CCDC192: variants seen among roughly 807,000 people sequenced by gnomAD.
CCDC192 encodes the protein coiled-coil domain-containing protein 192.
intron 2 of CCDC192, among the ~76,000 whole-genome samples, chr5:127,710,152 A>G (rs1222903437): frequency 6.6e-6 from 1 of 152,138 alleles, no homozygotes; most frequent in Non-Finnish European, 1.5e-5. Context: ...AATATTTCTA[A>G]AGAAATACAT....
intron 6 of CCDC192, among the ~76,000 whole-genome samples, chr5:127,918,083 T>C (rs1311287968): frequency 6.6e-6 from 1 of 151,952 alleles, no homozygotes; most frequent in Non-Finnish European, 1.5e-5. Flanking sequence ...TGCCATGAGC[T>C]GAGATCGCAC....
At chr5:127,817,989 C>T (rs1749107375) in intron 5 of CCDC192, among the ~76,000 whole-genome samples, 1 of 152,010 alleles carries the variant, frequency 6.6e-6, no homozygotes, top group Non-Finnish European at 1.5e-5. Context: ...AAGTTCATGA[C>T]CTTGCTTTAG....
At chr5:127,852,428 A>T (rs1372762502) in intron 5 of CCDC192, among the ~76,000 whole-genome samples, 2 of 152,178 alleles carry the variant, frequency 1.3e-5, no homozygotes, top group Non-Finnish European at 2.9e-5. Flanking sequence ...ACATGGGGGA[A>T]GTATTGGCTG....
At chr5:127,764,869 A>G (rs1297673060) in intron 3 of CCDC192, among the ~76,000 whole-genome samples, 1 of 152,200 alleles carries the variant, frequency 6.6e-6, no homozygotes, top group African/African-American at 2.4e-5. Context: ...ATTTTAAGCC[A>G]TTTCCTGGAA....
At chr5:127,935,228 T>C (rs1312862767) in intron 6 of CCDC192, 1 of 152,250 alleles carries the variant, frequency 6.6e-6, no homozygotes, top group Admixed American at 6.5e-5. Flanking sequence ...TTATCTTATT[T>C]ATTCTCTATG....
At chr5:127,778,902 A>G (rs376547876) in intron 3 of CCDC192, among the ~76,000 whole-genome samples, 2 of 150,998 alleles carry the variant, frequency 1.3e-5, no homozygotes, top group East Asian at 1.9e-4. Context: ...GTTTGTTGGC[A>G]CTCATTTGTT....
chr5:127,786,015 A>T (rs959357684), intron 3 of CCDC192: 9 of 600,324 alleles, frequency 1.5e-5, no homozygotes. Context: ...GACCCTGATT[A>T]TGAATCTGTG....
intron 3 of CCDC192, among the ~76,000 whole-genome samples, chr5:127,760,724 A>G (rs1754871592): frequency 6.7e-6 from 1 of 148,370 alleles, no homozygotes; most frequent in Non-Finnish European, 1.5e-5. Flanking sequence ...AAAAAAAAAA[A>G]GGAAAGTTTT....
chr5:127,922,658 T>C (rs2127191954), intron 6 of CCDC192, among the ~76,000 whole-genome samples: 1 of 152,198 alleles, frequency 6.6e-6, no homozygotes. Flanking sequence ...CGAGGATCAC[T>C]TGAGCCCAGG....
At chr5:127,915,062 A>G (rs1315090450) in intron 6 of CCDC192, among the ~76,000 whole-genome samples, 1 of 152,226 alleles carries the variant, frequency 6.6e-6, no homozygotes, top group Non-Finnish European at 1.5e-5. Context: ...ATACAGGCAT[A>G]ACTCAGAGAT....
In CCDC192 at chr5:127,797,759, ATATATATATATATATATATT is replaced by A. The variant is rs1334517935; in HGVS notation, c.355-343_355-324del. 9.5e-4 allele frequency among the ~76,000 whole-genome samples: 15 copies of A among 15,840 alleles called. 1 individual carries two copies. The highest frequency in any genetic ancestry group is 2.1e-3 in the Non-Finnish European group (8 of 3,870). The allele number at this position is 15,840 out of a possible 152,430, so 10.4% of individuals were successfully genotyped here. The stretch of plus-strand genomic sequence containing the variant: ...TATATATATATATATATATATATAT[ATATATATATATATATATATT>A]TATTTATTTATTTATTTGTAAATAT... On this transcript the variant is annotated intron_variant, in intron 4 of 6. Coordinates refer to ENST00000514853, the MANE Select transcript of CCDC192 (RefSeq NM_001317938.2).
At chr5:127,717,745 A>G (rs1307060937) in intron 2 of CCDC192, among the ~76,000 whole-genome samples, 1 of 151,980 alleles carries the variant, frequency 6.6e-6, no homozygotes, top group Non-Finnish European at 1.5e-5. Flanking sequence ...TAGGAGGGGG[A>G]AAATTGTCAT....
intron 6 of CCDC192, among the ~76,000 whole-genome samples, chr5:127,918,540 T>C (rs1349927248): frequency 6.6e-6 from 1 of 152,132 alleles, no homozygotes; most frequent in East Asian, 1.9e-4. Flanking sequence ...AATGAATGTG[T>C]CCCAACCTCA....
At position 127,747,240 on chromosome 5, in the gene CCDC192, A is replaced by G. The variant is rs193123204; in HGVS notation, c.115-7028A>G. Among the ~76,000 whole-genome samples the G allele has an allele frequency of 1.3e-3, 200 of 151,934 alleles. 1 individual carries two copies. Among genetic ancestry groups the G allele is most frequent in the African/African-American group, 4.5e-3 (186 of 41,414 alleles). On this transcript the variant is annotated intron_variant, in intron 2 of 6. Transcript: ENST00000514853. Reference sequence around the variant, plus strand: ...CATCTAGCATTAGGTATATCTCCCAATGCTATCCCTCCCCCCTCTCCCCAC... The same window carrying G: ...CATCTAGCATTAGGTATATCTCCCAGTGCTATCCCTCCCCCCTCTCCCCAC...
At chr5:127,763,302 G>A (rs996155912) in intron 3 of CCDC192, among the ~76,000 whole-genome samples, 7 of 152,128 alleles carry the variant, frequency 4.6e-5, no homozygotes, top group Non-Finnish European at 1.0e-4. Context: ...AGTGCCACCA[G>A]CCACACTGTG....
At chr5:127,703,956 AATAT>A (rs1750819744) in intron 1 of CCDC192, among the ~76,000 whole-genome samples, 1 of 152,218 alleles carries the variant, frequency 6.6e-6, no homozygotes, top group African/African-American at 2.4e-5. Flanking sequence ...GTTGGCTAGA[AATAT>A]GGAAGTACAG....
chr5:127,811,782 T>C (rs1758096840), intron 5 of CCDC192, among the ~76,000 whole-genome samples: 1 of 152,074 alleles, frequency 6.6e-6, no homozygotes, highest in Admixed American at 6.6e-5. Context: ...TCATGATACG[T>C]GATAGAGTCA....
intron 3 of CCDC192, among the ~76,000 whole-genome samples, chr5:127,764,821 G>A (rs1432773404): frequency 6.6e-6 from 1 of 152,052 alleles, no homozygotes. Flanking sequence ...TGCCATCCTG[G>A]GCCACATGTG....
At chr5:127,903,489 C>T (rs925718385) in intron 6 of CCDC192, among the ~76,000 whole-genome samples, 5 of 152,212 alleles carry the variant, frequency 3.3e-5, no homozygotes, top group African/African-American at 7.2e-5. Context: ...GTGATTCGCC[C>T]GCCTTGGCCT....
Sources: gnomAD v4.1 joint callset for allele counts (sites outside exome capture counted in the v4.1 genomes callset) on GRCh38, gnomAD v4.1.1 for gene constraint, MANE v1.5 for transcripts, NCBI Gene and HGNC (gene_info 2026-07-23, HGNC 2026-07-21) for gene names.